The following PRELID3A variants were observed in gnomAD, a reference collection of about 807,000 sequenced individuals.
The protein encoded by PRELID3A is PRELI domain containing protein 3A.
PRELID3A carries 27 observed loss-of-function variants against 23.0 expected under a neutral mutation model. That is an observed-to-expected ratio of 1.17 (90% confidence interval 0.87 to 1.62). PRELID3A has a LOEUF of 1.62. PRELID3A is among the 40% of genes most tolerant of loss of function. PRELID3A has a pLI of 0.00. For synonymous variants in PRELID3A, 87 were observed against 86.4 expected (o/e 1.01, Z -0.04); for missense variants, 231 against 231.4 (o/e 1.00, Z 0.01).
intron 5 of PRELID3A, among the ~76,000 whole-genome samples, chr18:12,428,966 TG>T (rs1336028262): frequency 3.9e-5 from 6 of 152,094 alleles, no homozygotes; most frequent in African/African-American, 1.4e-4. Context: ...GGAGAGGTGT[TG>T]TGCCTGGAAA....
intron 5 of PRELID3A, among the ~76,000 whole-genome samples, 176 bp from the exon 6 acceptor site, chr18:12,429,174 C>T (rs1335638842): frequency 1.3e-5 from 2 of 152,178 alleles, no homozygotes; most frequent in Non-Finnish European, 2.9e-5. Flanking sequence ...TTTCCTTCCC[C>T]CTTCTGAGCT....
rs183638318 is a variant in PRELID3A at position 12,411,452 on chromosome 18, C to G, written c.32+3445C>G. 1.2e-3 allele frequency among the ~76,000 whole-genome samples: 141 copies of G among 117,394 alleles called. 2 individuals carry two copies. The highest frequency in any genetic ancestry group is 4.5e-3 in the African/African-American group (131 of 29,246). The allele number at this position is 117,394 out of a possible 152,430, so 77.0% of individuals were successfully genotyped here. ...CTGCACTCCAGCCTGGGCGACAGAGCGAGACTCCGTCTCAAAAAAAAAAAA... is the reference window on the plus strand; with the variant it reads ...CTGCACTCCAGCCTGGGCGACAGAGGGAGACTCCGTCTCAAAAAAAAAAAA... On this transcript the variant is annotated intron_variant, in intron 1 of 6. Coordinates refer to ENST00000440960, the MANE Select transcript of PRELID3A (RefSeq NM_001142405.2).
chr18:12,411,474 A>AG (rs1193283191), intron 1 of PRELID3A, among the ~76,000 whole-genome samples: 1 of 151,688 alleles, frequency 6.6e-6, no homozygotes, highest in Non-Finnish European at 1.5e-5. Context: ...TCAAAAAAAA[A>AG]AAAAAAAAAA....
At chr18:12,415,861 C>T (rs1461311255) in intron 1 of PRELID3A, among the ~76,000 whole-genome samples, 1 of 152,224 alleles carries the variant, frequency 6.6e-6, no homozygotes, top group Non-Finnish European at 1.5e-5. Context: ...GGCAGACCCA[C>T]CACACACATG....
At chr18:12,412,139 C>T (rs1409130129) in intron 1 of PRELID3A, among the ~76,000 whole-genome samples, 2 of 151,802 alleles carry the variant, frequency 1.3e-5, no homozygotes, top group African/African-American at 2.4e-5. Context: ...ATCCGCCCGC[C>T]TTGGCCTCCC....
chr18:12,414,451 C>T (rs759514376), intron 1 of PRELID3A, among the ~76,000 whole-genome samples: 4 of 152,212 alleles, frequency 2.6e-5, no homozygotes, highest in Admixed American at 6.5e-5. Flanking sequence ...ATTGGCCGGG[C>T]GCCATGGCTC....
At position 12,422,741 on chromosome 18, in the gene PRELID3A, A is replaced by G. The variant is rs28567062; in HGVS notation, c.291+1112A>G. Among the ~76,000 whole-genome samples the G allele has an allele frequency of 6.9e-4, 105 of 152,312 alleles. 1 individual carries two copies. The highest frequency in any genetic ancestry group is 2.3e-3 in the African/African-American group (96 of 41,556). On this transcript the variant is annotated intron_variant, in intron 3 of 6. Coordinates refer to ENST00000440960, the MANE Select transcript of PRELID3A (RefSeq NM_001142405.2). ...AAAAATGTATATTGGCCTAATGCAA[A>G]TGCAAGAACATGTTGGGAAATATGC...
At chr18:12,418,968 T>G (rs1268602928) in intron 1 of PRELID3A, among the ~76,000 whole-genome samples, 1 of 151,908 alleles carries the variant, frequency 6.6e-6, no homozygotes, top group Non-Finnish European at 1.5e-5. Flanking sequence ...GCAGGAGGAT[T>G]GCTTGAGGCC....
Position 12,422,504 on chromosome 18 carries a change from G to A in PRELID3A, c.291+875G>A, listed in dbSNP as rs534843035. Among the ~76,000 whole-genome samples, 4 of 151,854 alleles carry A rather than the reference G, an allele frequency of 2.6e-5. No individual in the cohort carries two copies. The South Asian group carries it at 6.3e-4, about 24-fold the overall frequency. Reference sequence around the variant, plus strand: ...CTCCTGAGTAGCTAGGATTACAGCCGCGTGCCACTACACCTGGCTAATTTT... The same window carrying A: ...CTCCTGAGTAGCTAGGATTACAGCCACGTGCCACTACACCTGGCTAATTTT... On this transcript the variant is annotated intron_variant, in intron 3 of 6. Transcript: ENST00000440960.
chr18:12,415,517 A>G (rs2029919421), intron 1 of PRELID3A, among the ~76,000 whole-genome samples: 1 of 152,166 alleles, frequency 6.6e-6, no homozygotes, highest in Non-Finnish European at 1.5e-5. Flanking sequence ...TCGGCCTCCC[A>G]AAGTGCTGGG....
chr18:12,416,732 G>A (rs1262042643), intron 1 of PRELID3A, among the ~76,000 whole-genome samples: 1 of 148,694 alleles, frequency 6.7e-6, no homozygotes, highest in African/African-American at 2.5e-5. Flanking sequence ...TGCAAGCTCC[G>A]CCTCCCGGGT....
At position 12,420,510 on chromosome 18, in the gene PRELID3A, C is replaced by T. The variant is rs2030134471; in HGVS notation, c.201+17C>T. Reference sequence around the variant, plus strand: ...GTGAGAGCGGTGAGCGGGGCGGGGGCTGCGGCTCCGAACGCGCCCGACTCC... The same window carrying T: ...GTGAGAGCGGTGAGCGGGGCGGGGGTTGCGGCTCCGAACGCGCCCGACTCC... On this transcript the variant is annotated intron_variant, in intron 2 of 6. Transcript: ENST00000440960. The T allele has an allele frequency of 6.6e-7, 1 of 1,505,328 alleles. No homozygotes were observed. Among genetic ancestry groups the T allele is most frequent in the Non-Finnish European group, 8.9e-7 (1 of 1,126,956 alleles). The allele number at this position is 1,505,328 out of a possible 1,614,324, so 93.2% of individuals were successfully genotyped here.
chr18:12,430,123 C>G (rs1028278608), intron 6 of PRELID3A, among the ~76,000 whole-genome samples: 5 of 152,200 alleles, frequency 3.3e-5, no homozygotes, highest in African/African-American at 1.2e-4. Flanking sequence ...TTAAGAACTT[C>G]GTGCTGATTT....
chr18:12,412,213 A>C (rs1250322160), intron 1 of PRELID3A, among the ~76,000 whole-genome samples: 1 of 126,664 alleles, frequency 7.9e-6, no homozygotes, highest in African/African-American at 3.1e-5. Flanking sequence ...TTCCAGGTGG[A>C]GTCTCACTCT....
chr18:12,415,971 C>T (rs1224080055), intron 1 of PRELID3A, among the ~76,000 whole-genome samples: 1 of 152,202 alleles, frequency 6.6e-6, no homozygotes, highest in Non-Finnish European at 1.5e-5. Context: ...CAGAGGTCTC[C>T]ACGAACAGCA....
At chr18:12,411,941 C>T (rs1170660597) in intron 1 of PRELID3A, among the ~76,000 whole-genome samples, 6 of 146,560 alleles carry the variant, frequency 4.1e-5, no homozygotes, top group Non-Finnish European at 7.4e-5. Flanking sequence ...GACGGAGTCT[C>T]GCTCTGTCGC....
At chr18:12,413,210 G>A (rs142891291) in intron 1 of PRELID3A, among the ~76,000 whole-genome samples, 3 of 152,268 alleles carry the variant, frequency 2.0e-5, no homozygotes, top group African/African-American at 4.8e-5. Context: ...GAGGCCTAGC[G>A]GGGGTAATCG....
chr18:12,411,111 C>T (rs1301641506), intron 1 of PRELID3A, among the ~76,000 whole-genome samples: 1 of 152,078 alleles, frequency 6.6e-6, no homozygotes, highest in Non-Finnish European at 1.5e-5. Flanking sequence ...CAGACAAAAA[C>T]AGAGAGCCCG....
At chr18:12,408,684 T>C (rs1909808265) in intron 1 of PRELID3A, among the ~76,000 whole-genome samples, 1 of 151,838 alleles carries the variant, frequency 6.6e-6, no homozygotes, top group Admixed American at 6.6e-5. Context: ...TTCCCACTCC[T>C]AAGTGGGTGC....
Sources: gnomAD v4.1 joint callset for allele counts (sites outside exome capture counted in the v4.1 genomes callset) on GRCh38, gnomAD v4.1.1 for gene constraint, MANE v1.5 for transcripts, NCBI Gene and HGNC (gene_info 2026-07-23, HGNC 2026-07-21) for gene names.